SPAG16: variants seen among roughly 807,000 people sequenced by gnomAD.
SPAG16 encodes sperm-associated antigen 16 protein.
A neutral mutation model predicts 80.4 loss-of-function variants in SPAG16; 86 were observed. The observed-to-expected ratio is 1.07, with a 90% confidence interval of 0.90 to 1.28. The LOEUF is 1.28. SPAG16 is among the 50% of genes most tolerant of loss of function. SPAG16 has a pLI of 0.00. For missense variants in SPAG16, 870 were observed against 765.3 expected (o/e 1.14, Z -1.61); for synonymous variants, 294 against 265.9 (o/e 1.11, Z -1.03).
At chr2:213,618,414 A>T (rs1247292290) in intron 10 of SPAG16, among the ~76,000 whole-genome samples, 1 of 152,176 alleles carries the variant, frequency 6.6e-6, no homozygotes, top group African/African-American at 2.4e-5. Context: ...GTTTAAGATT[A>T]GTCTCTTTAT....
At chr2:213,991,890 T>TATTTATTTATTTATTTATTTATTC (rs1048402996) in intron 12 of SPAG16, among the ~76,000 whole-genome samples, 3 of 151,432 alleles carry the variant, frequency 2.0e-5, no homozygotes, top group African/African-American at 7.3e-5. Flanking sequence ...TTTATTTATT[T>TATTTATTTATTTATTTATTTATTC]ATTCTTGTTT....
At chr2:214,211,914 A>G (rs1238533268) in intron 15 of SPAG16, among the ~76,000 whole-genome samples, 5 of 152,050 alleles carry the variant, frequency 3.3e-5, no homozygotes, top group Admixed American at 3.3e-4. Flanking sequence ...CACAACCCCC[A>G]AAACTTCCCA....
intron 9 of SPAG16, among the ~76,000 whole-genome samples, chr2:213,408,576 A>C (rs1435917408): frequency 1.6e-5 from 2 of 126,814 alleles, no homozygotes; most frequent in East Asian, 1.9e-4. Context: ...GTTTCCTAAC[A>C]GGGGATTTAA....
intron 15 of SPAG16, among the ~76,000 whole-genome samples, chr2:214,360,504 A>G (rs373429108): frequency 3.9e-5 from 6 of 151,966 alleles, no homozygotes; most frequent in Admixed American, 1.3e-4. Flanking sequence ...AGTTTACCAT[A>G]TTGTTAAGCA....
chr2:213,974,557 A>C (rs16851180), intron 12 of SPAG16, among the ~76,000 whole-genome samples: 2,323 of 152,202 alleles, frequency 0.015, 64 homozygotes, highest in African/African-American at 0.053. Flanking sequence ...ACTTATTAAA[A>C]TACCATTTAG....
At chr2:213,288,173 C>T (rs1487307437) in intron 1 of SPAG16, among the ~76,000 whole-genome samples, 1 of 152,180 alleles carries the variant, frequency 6.6e-6, no homozygotes, top group Non-Finnish European at 1.5e-5. Context: ...CTGCCTTGGC[C>T]TCCCAAAGTG....
chr2:213,944,073 A>AGAGTGTAT (rs1442765238), intron 12 of SPAG16, among the ~76,000 whole-genome samples: 3 of 152,246 alleles, frequency 2.0e-5, no homozygotes, highest in Non-Finnish European at 4.4e-5. Flanking sequence ...CCAAAGGTCC[A>AGAGTGTAT]GAGTGTATGG....
At chr2:213,391,254 C>G (rs780084293) in intron 9 of SPAG16, among the ~76,000 whole-genome samples, 2 of 151,760 alleles carry the variant, frequency 1.3e-5, no homozygotes, top group Non-Finnish European at 2.9e-5. Context: ...GGCGATGGAG[C>G]GAGACTCCGT....
intron 5 of SPAG16, among the ~76,000 whole-genome samples, chr2:213,323,446 A>G (rs1213197727): frequency 6.6e-6 from 1 of 152,222 alleles, no homozygotes; most frequent in African/African-American, 2.4e-5. Context: ...GTCTCAAAAA[A>G]AAAATAGAAA....
chr2:213,451,325 C>A (rs989363656), intron 9 of SPAG16, among the ~76,000 whole-genome samples: 1 of 152,126 alleles, frequency 6.6e-6, no homozygotes, highest in Non-Finnish European at 1.5e-5. Flanking sequence ...TTATCCCATG[C>A]CCACAGGTTC....
chr2:213,905,162 A>T (rs1219669816), intron 11 of SPAG16, among the ~76,000 whole-genome samples: 1 of 152,222 alleles, frequency 6.6e-6, no homozygotes, highest in Non-Finnish European at 1.5e-5. Context: ...CTGGTAAAAG[A>T]AGATAAGACA....
intron 15 of SPAG16, among the ~76,000 whole-genome samples, chr2:214,341,978 G>A (rs1484773336): frequency 6.6e-6 from 1 of 151,822 alleles, no homozygotes; most frequent in Non-Finnish European, 1.5e-5. Context: ...AGATAAAACT[G>A]ACTAAAAGTT....
chr2:213,628,876 A>T (rs560763068), intron 10 of SPAG16, among the ~76,000 whole-genome samples: 14 of 152,278 alleles, frequency 9.2e-5, no homozygotes, highest in African/African-American at 3.4e-4. Context: ...CCCTTTATTC[A>T]GTCAGTTTGT....
At chr2:214,295,383 C>T (rs1694061399) in intron 15 of SPAG16, among the ~76,000 whole-genome samples, 1 of 152,128 alleles carries the variant, frequency 6.6e-6, no homozygotes, top group Admixed American at 6.6e-5. Context: ...TGCTAGCTAG[C>T]ATTTATTAAG....
intron 10 of SPAG16, among the ~76,000 whole-genome samples, chr2:213,855,764 T>C (rs374149813): frequency 5.3e-5 from 8 of 152,130 alleles, no homozygotes; most frequent in African/African-American, 1.9e-4. Context: ...AAGAACTCAC[T>C]TACTGTCATC....
chr2:213,921,245 A>G (rs1256317835), intron 11 of SPAG16, among the ~76,000 whole-genome samples: 1 of 152,158 alleles, frequency 6.6e-6, no homozygotes, highest in Non-Finnish European at 1.5e-5. Context: ...TGTTGAATTG[A>G]AACTATTGCC....
chr2:214,388,318 C>G (rs957044092), intron 15 of SPAG16, among the ~76,000 whole-genome samples: 1 of 152,096 alleles, frequency 6.6e-6, no homozygotes, highest in African/African-American at 2.4e-5. Flanking sequence ...CCTCTCCCTC[C>G]TAAGGCCTTG....
intron 9 of SPAG16, among the ~76,000 whole-genome samples, chr2:213,444,104 T>C (rs961090611): frequency 1.2e-4 from 19 of 152,294 alleles, no homozygotes; most frequent in African/African-American, 4.3e-4. Context: ...CTTTGTTCTG[T>C]AGCCTAGGGA....
chr2:214,214,235 A>G (rs1368950162), intron 15 of SPAG16, among the ~76,000 whole-genome samples: 1 of 148,114 alleles, frequency 6.8e-6, no homozygotes, highest in African/African-American at 2.5e-5. Flanking sequence ...CAGTGGCACA[A>G]TCTGGCTCAC....
Sources: allele counts gnomAD v4.1 joint callset (sites outside exome capture counted in the v4.1 genomes callset), GRCh38; gene constraint gnomAD v4.1.1; transcripts MANE v1.5; gene names NCBI Gene and HGNC (gene_info 2026-07-23, HGNC 2026-07-21).